The following DISP2 variants were observed in gnomAD, a reference collection of about 807,000 sequenced individuals.
The protein encoded by DISP2 is protein dispatched homolog 2.
A neutral mutation model predicts 95.5 loss-of-function variants in DISP2; 59 were observed. The observed-to-expected ratio is 0.62, with a 90% CI of 0.50 to 0.77. The LOEUF (loss-of-function observed/expected upper bound fraction) is 0.77, where lower values mean the gene tolerates loss of function less well. DISP2 is among the 30% of genes least tolerant of loss of function. The pLI is 0.00. For synonymous variants in DISP2, 827 were observed against 815.0 expected (o/e 1.01, Z -0.25); for missense variants, 1,752 against 1,854.6 (o/e 0.94, Z 1.02).
At chr15:40,364,140 A>T (rs1889454576) in intron 2 of DISP2, 86 bp from the exon 3 acceptor site, 5 of 1,586,186 alleles carry the variant, frequency 3.2e-6, no homozygotes, top group Non-Finnish European at 4.3e-6. Context: ...TCCCTCACCT[A>T]CCCACTCCCA....
chr15:40,361,558 C>T (rs960707733), intron 1 of DISP2, among the ~76,000 whole-genome samples: 3 of 152,240 alleles, frequency 2.0e-5, no homozygotes, highest in Non-Finnish European at 2.9e-5. Flanking sequence ...GCCCCAGAGC[C>T]AAAGGGTGTT....
chr15:40,369,695 G>A lies in DISP2; in HGVS notation c.3583G>A (p.Asp1195Asn), dbSNP rs145581721. Residue 1195 changes from aspartate (D) to asparagine (N), a missense_variant, in exon 8 of 8, where the codon GAT becomes AAT. Asp to Asn is a conservative substitution (Grantham distance 23). Around this residue, in one of 5 missense-constraint regions of DISP2, gnomAD observed 347 missense variants for 344.2 expected, o/e 1.01. Transcript: ENST00000267889. ...CCACCGGCCCTCAGTACTCTCTGAG[G>A]ATCTGCAGCTCCATGATGGTCCGTG... Reference protein sequence around the residue: ...LSHRPSVLSEDLQLHDGPCCS... With the variant: ...LSHRPSVLSENLQLHDGPCCS... 1.9e-6 allele frequency: 3 copies of A among 1,611,794 alleles called. No individual in the cohort carries two copies. Among genetic ancestry groups the A allele is most frequent in the Non-Finnish European group, 2.5e-6 (3 of 1,180,010 alleles).
At position 40,369,958 on chromosome 15, in the gene DISP2, C is replaced by T; in HGVS notation, c.3846C>T (p.Phe1282=). The change falls in exon 8 of 8, where the codon TTC becomes TTT. Residue 1282 remains phenylalanine, a synonymous_variant. Coordinates refer to ENST00000267889, the MANE Select transcript of DISP2 (RefSeq NM_033510.3). The part of the protein sequence containing the change: ...KAKAADPPDG[F]CSSASTLEGL... ...AGGCTGCAGATCCTCCTGATGGCTTCTGTTCCTCAGCCAGCACCCTGGAGG... is the reference window on the plus strand; with the variant it reads ...AGGCTGCAGATCCTCCTGATGGCTTTTGTTCCTCAGCCAGCACCCTGGAGG... 1 of 1,610,216 alleles carries T rather than the reference C, an allele frequency of 6.2e-7. No individual in the cohort carries two copies. Among genetic ancestry groups the T allele is most frequent in the Non-Finnish European group, 8.5e-7 (1 of 1,178,182 alleles).
Position 40,376,719 on chromosome 15 carries a change from C to T in DISP2, c.*6401C>T, listed in dbSNP as rs941060973. 3.0e-4 allele frequency: 46 copies of T among 152,098 alleles called. No individual in the cohort carries two copies. The highest frequency in any genetic ancestry group is 2.9e-3 in the Admixed American group (45 of 15,282). 9.4% of individuals were successfully genotyped at this position (152,098 alleles called of 1,614,324 possible). ...ACTCCAGAGGCTGAAGCAAGAGGAT[C>T]ACTTGAACTCTGGAGTTCGAGGTTA... On this transcript the variant is annotated 3_prime_UTR_variant, in exon 8 of 8. Coordinates refer to ENST00000267889, the MANE Select transcript of DISP2 (RefSeq NM_033510.3).
Position 40,369,634 on chromosome 15 carries a change from C to A in DISP2, c.3522C>A (p.Pro1174=), listed in dbSNP as rs760486869. ...ELQPLARRRS[P]SFDTSTATSK... ...AGCCCCTGGCACGGCGTCGGAGCCCCAGCTTTGACACCAGCACAGCCACCA... is the reference window on the plus strand; with the variant it reads ...AGCCCCTGGCACGGCGTCGGAGCCCAAGCTTTGACACCAGCACAGCCACCA... The change falls in exon 8 of 8, where the codon CCC becomes CCA. Residue 1174 remains proline (P), a synonymous_variant. Transcript: ENST00000267889. 5 of 1,611,834 alleles carry A rather than the reference C, an allele frequency of 3.1e-6. No homozygotes were observed. In the South Asian group the frequency reaches 4.4e-5, roughly 14 times the overall value.
chr15:40,369,552 C>A lies in DISP2; in HGVS notation c.3440C>A (p.Pro1147Gln). The A allele has an allele frequency of 6.2e-7, 1 of 1,612,596 alleles. No homozygotes were observed. The highest frequency in any genetic ancestry group is 2.2e-5 in the East Asian group (1 of 44,886). Residue 1147 changes from proline to glutamine, a missense_variant, in exon 8 of 8, where the codon CCA becomes CAA. Pro to Gln is a moderately conservative substitution (Grantham distance 76, BLOSUM62 -1). Around this residue, in one of 5 missense-constraint regions of DISP2, gnomAD observed 347 missense variants for 344.2 expected, o/e 1.01. Coordinates refer to ENST00000267889, the MANE Select transcript of DISP2 (RefSeq NM_033510.3). ...CCTGGTGGGGAGAAGGCAGGCCGCC[C>A]ACGACCAGGGTCAGTGGGAGGGATG... ...GDPGGEKAGR[P>Q]RPGSVGGMPG... is the part of the protein sequence containing the mutation.
At position 40,368,666 on chromosome 15, in the gene DISP2, C is replaced by T. The variant is rs377096122; in HGVS notation, c.2554C>T (p.Arg852Cys). ...CTGGATGGAGAGCCCCAGCTGCGCC[C>T]GCCTGGGGCCTGACCTCTGCTGCGG... ...QRWMESPSCA[R>C]LGPDLCCGHS... Residue 852 changes from arginine to cysteine, a missense_variant, in exon 8 of 8, where the codon CGC becomes TGC. Physicochemically the swap from Arg to Cys is radical, Grantham distance 180 (BLOSUM62 -3). Coordinates refer to ENST00000267889, the MANE Select transcript of DISP2 (RefSeq NM_033510.3). 11 of 1,611,254 alleles carry T rather than the reference C, an allele frequency of 6.8e-6. No homozygotes were observed. Among genetic ancestry groups the T allele is most frequent in the Non-Finnish European group, 9.3e-6 (11 of 1,179,994 alleles).
chr15:40,368,825 C>T lies in DISP2; in HGVS notation c.2713C>T (p.Leu905=). ...CCATGGCAGCCTGGCCGCCCTGGTC[C>T]TACAATTCCAGACCAACTTCCGGAA... is the stretch of plus-strand genomic sequence containing the variant. ...DAHGSLAALV[L]QFQTNFRNSP... The change falls in exon 8 of 8, where the codon CTA becomes TTA. Residue 905 remains leucine, a synonymous_variant. Coordinates refer to ENST00000267889, the MANE Select transcript of DISP2 (RefSeq NM_033510.3). 2 of 1,614,008 alleles carry T rather than the reference C, an allele frequency of 1.2e-6. No individual in the cohort carries two copies. The highest frequency in any genetic ancestry group is 1.7e-6 in the Non-Finnish European group (2 of 1,180,048).
At chr15:40,362,622 A>G (rs887745291) in intron 1 of DISP2, among the ~76,000 whole-genome samples, 1 of 152,248 alleles carries the variant, frequency 6.6e-6, no homozygotes, top group Non-Finnish European at 1.5e-5. Context: ...ATTGCAACAG[A>G]TGCTATGAAA....
Position 40,358,250 on chromosome 15 carries a change from C to CGCCACT in DISP2, c.-67_-66insTGCCAC, listed in dbSNP as rs1889343764. The CGCCACT allele has an allele frequency of 2.7e-6, 3 of 1,093,206 alleles. No homozygotes were observed. The highest frequency in any genetic ancestry group is 2.2e-6 in the Non-Finnish European group (2 of 891,384). 67.7% of individuals were successfully genotyped at this position (1,093,206 alleles called of 1,614,324 possible). On this transcript the variant is annotated 5_prime_UTR_variant, in exon 1 of 8. Transcript: ENST00000267889. ...ACGAGCACCCCGCCGCCGCTGCCGC[C>CGCCACT]GCCACCGCCGCCGCCGCCGCCGCCG...
In DISP2 at chr15:40,374,003, T is replaced by TAAAAAAAAAAAAA. The variant is rs1555400587; in HGVS notation, c.*3697_*3698insAAAAAAAAAAAAA. On this transcript the variant is annotated 3_prime_UTR_variant, in exon 8 of 8. Coordinates refer to ENST00000267889, the MANE Select transcript of DISP2 (RefSeq NM_033510.3). ...TGGGCAACAGAGCGAGACTCCATCT[T>TAAAAAAAAAAAAA]AAAAAAAAAAAATATATATATATAT... 7 of 114,134 alleles carry TAAAAAAAAAAAAA rather than the reference T, an allele frequency of 6.1e-5. No homozygotes were observed. In the East Asian group the frequency reaches 1.0e-3, roughly 17 times the overall value. 7.1% of individuals were successfully genotyped at this position (114,134 alleles called of 1,614,324 possible).
At chr15:40,361,451 C>T (rs557948772) in intron 1 of DISP2, among the ~76,000 whole-genome samples, 1 of 152,342 alleles carries the variant, frequency 6.6e-6, no homozygotes, top group East Asian at 1.9e-4. Flanking sequence ...TATGTTACAT[C>T]AGTTAATTCC....
chr15:40,359,395 C>A (rs1325037663), intron 1 of DISP2, among the ~76,000 whole-genome samples: 1 of 152,230 alleles, frequency 6.6e-6, no homozygotes, highest in Non-Finnish European at 1.5e-5. Context: ...ATGCTTTCTT[C>A]CCTTTATTGT....
In DISP2 at chr15:40,367,038, C is replaced by T. The variant is rs1305739254; in HGVS notation, c.946-20C>T. ...CCTTGGGCTGCCCCTGAACTCTCCC[C>T]TCCTGCGTGTGCCCTACAGATCCGC... On this transcript the variant is annotated intron_variant, in intron 7 of 7. Coordinates refer to ENST00000267889, the MANE Select transcript of DISP2 (RefSeq NM_033510.3). 2.5e-6 allele frequency: 4 copies of T among 1,603,472 alleles called. No individual in the cohort carries two copies. The highest frequency in any genetic ancestry group is 2.5e-6 in the Non-Finnish European group (3 of 1,179,312).
Position 40,367,475 on chromosome 15 carries a change from C to G in DISP2, c.1363C>G (p.Arg455Gly), listed in dbSNP as rs371735197. ...TTCCCTCATGGACATCTACCTGGAC[C>G]GGCTGGCCACCCCCTGGGGGCTTGC... is the stretch of plus-strand genomic sequence containing the variant. ...GASLMDIYLD[R>G]LATPWGLADN... The change falls in exon 8 of 8, where the codon CGG becomes GGG. Residue 455 changes from arginine (R) to glycine (G), a missense_variant. By Grantham distance (125) the Arg-to-Gly change is moderately radical. This residue lies in a region of DISP2 where 732 missense variants were observed against 714.6 expected (regional missense o/e 1.02). Coordinates refer to ENST00000267889, the MANE Select transcript of DISP2 (RefSeq NM_033510.3). 6.2e-7 allele frequency: 1 copy of G among 1,613,662 alleles called. No homozygotes were observed. Among genetic ancestry groups the G allele is most frequent in the African/African-American group, 1.3e-5 (1 of 74,818 alleles).
Position 40,363,958 on chromosome 15 carries a change from A to AGGAGG in DISP2, c.449+7_449+11dup, listed in dbSNP as rs1364045051. On this transcript the variant is annotated splice_donor_region_variant and intron_variant, in intron 2 of 7. Coordinates refer to ENST00000267889, the MANE Select transcript of DISP2 (RefSeq NM_033510.3). ...AGCACCATGTGGTCAGCGTCAGGTAAGGAGGGGTCCAGCAGCCTGCCAGCT... is the reference window on the plus strand; with the variant it reads ...AGCACCATGTGGTCAGCGTCAGGTAAGGAGGGGAGGGGTCCAGCAGCCTGCCAGCT... 2.0e-6 allele frequency: 3 copies of AGGAGG among 1,523,090 alleles called. No homozygotes were observed. The highest frequency in any genetic ancestry group is 2.6e-6 in the Non-Finnish European group (3 of 1,138,676). The allele number at this position is 1,523,090 out of a possible 1,614,324, so 94.3% of individuals were successfully genotyped here.
At position 40,369,088 on chromosome 15, in the gene DISP2, C is replaced by T. The variant is rs749115082; in HGVS notation, c.2976C>T (p.Ser992=). The T allele has an allele frequency of 8.1e-6, 13 of 1,613,940 alleles. No homozygotes were observed. The East Asian group carries it at 8.9e-5, about 11-fold the overall frequency. ...GGAATGTTCCCCTCAGCCTATTCTCCGTGGCAGCTGTGGCAGGCACCGTGC... is the reference window on the plus strand; with the variant it reads ...GGAATGTTCCCCTCAGCCTATTCTCTGTGGCAGCTGTGGCAGGCACCGTGC... ...GTWNVPLSLF[S]VAAVAGTVLL... Residue 992 remains serine, a synonymous_variant, in exon 8 of 8, where the codon TCC becomes TCT. Coordinates refer to ENST00000267889, the MANE Select transcript of DISP2 (RefSeq NM_033510.3).
chr15:40,364,032 C>T, intron 2 of DISP2, 78 bp downstream of exon 2: 1 of 1,489,930 alleles, frequency 6.7e-7, no homozygotes. Flanking sequence ...ACTGCCGGGG[C>T]TCTAGACTCC....
chr15:40,365,491 G>A (rs984573182), intron 6 of DISP2, 137 bp from the exon 7 acceptor site: 3 of 1,270,834 alleles, frequency 2.4e-6, no homozygotes, highest in Non-Finnish European at 3.4e-6. Flanking sequence ...ACAGGGACAG[G>A]ATCAGGCAGT....
Sources: gnomAD v4.1 joint callset for allele counts (sites outside exome capture counted in the v4.1 genomes callset) on GRCh38, gnomAD v4.1.1 for gene constraint, gnomAD v4.1.1 regional missense constraint, MANE v1.5 for transcripts, NCBI Gene and HGNC (gene_info 2026-07-23, HGNC 2026-07-21) for gene names.